PHF21A: variants seen among roughly 807,000 people sequenced by gnomAD.
PHF21A encodes the protein PHD finger protein 21A, also known as BHC80a.
In PHF21A, 11 loss-of-function variants were observed where a neutral mutation model predicts 82.5. That is an observed-to-expected ratio of 0.13 (90% confidence interval 0.08 to 0.22). The LOEUF (loss-of-function observed/expected upper bound fraction) is 0.22, where lower values mean the gene tolerates loss of function less well. PHF21A is among the 10% of genes least tolerant of loss of function. The pLI is 1.00. For missense variants in PHF21A, 579 were observed against 837.8 expected (o/e 0.69, Z 3.81); for synonymous variants, 297 against 302.8 (o/e 0.98, Z 0.20).
At chr11:46,055,328 T>C (rs1313240578) in intron 6 of PHF21A, among the ~76,000 whole-genome samples, 1 of 152,190 alleles carries the variant, frequency 6.6e-6, no homozygotes. Context: ...TTAATAATAG[T>C]TAATTAAATT....
intron 15 of PHF21A, 61 bp downstream of exon 15, chr11:45,945,779 G>C: frequency 7.2e-7 from 1 of 1,392,168 alleles, no homozygotes; most frequent in Non-Finnish European, 9.8e-7. Flanking sequence ...GACAACATAT[G>C]ATAACGCTTT....
intron 1 of PHF21A, among the ~76,000 whole-genome samples, chr11:46,109,543 T>C (rs2097187950): frequency 7.5e-6 from 1 of 133,042 alleles, no homozygotes. Context: ...AATAAAATTT[T>C]TAAAACACAA....
At chr11:46,110,788 AT>A (rs201509628) in intron 1 of PHF21A, among the ~76,000 whole-genome samples, 30,661 of 144,964 alleles carry the variant, frequency 0.21, 3,251 homozygotes, top group Non-Finnish European at 0.27. Flanking sequence ...CATATTAACA[AT>A]TTTTTTTTTT....
At chr11:45,935,800 C>T in intron 17 of PHF21A, 61 bp from the exon 18 acceptor site, 1 of 806,032 alleles carries the variant, frequency 1.2e-6, no homozygotes, top group Non-Finnish European at 2.0e-6. Context: ...TTGAAATGTC[C>T]TCTGTGCTCA....
intron 6 of PHF21A, among the ~76,000 whole-genome samples, chr11:46,029,781 TAAC>T (rs1050635263): frequency 1.3e-5 from 2 of 151,942 alleles, no homozygotes; most frequent in African/African-American, 4.8e-5. Flanking sequence ...AGCTTAAAAA[TAAC>T]AAATGTCCGT....
chr11:46,029,333 A>G (rs939898066), intron 6 of PHF21A, among the ~76,000 whole-genome samples: 4 of 152,264 alleles, frequency 2.6e-5, no homozygotes, highest in African/African-American at 9.6e-5. Flanking sequence ...GCCCAGCTAA[A>G]TAACTGTTCT....
In PHF21A at chr11:46,079,164, T is replaced by C. The variant is rs1402312587; in HGVS notation, c.57A>G (p.Lys19=). ...GATCCTGCTTCATTTGAGCAACCAG[T>C]TTCTGGTAATAAAGAGAGAAAAAGA... ...ALKVEIQVHQ[K]LVAQMKQDPQ... is the part of the protein sequence containing the mutation. Residue 19 remains lysine, a splice_region_variant and synonymous_variant, in exon 5 of 19, where the codon AAA becomes AAG. Transcript: ENST00000676320. 6.3e-7 allele frequency: 1 copy of C among 1,596,438 alleles called. No homozygotes were observed. Among genetic ancestry groups the C allele is most frequent in the Non-Finnish European group, 8.6e-7 (1 of 1,167,856 alleles).
chr11:46,112,791 T>C (rs778806097), intron 1 of PHF21A, among the ~76,000 whole-genome samples: 3 of 152,190 alleles, frequency 2.0e-5, no homozygotes, highest in Non-Finnish European at 4.4e-5. Flanking sequence ...TCAGGCTTGA[T>C]AATAAGAGGC....
chr11:45,987,352 C>G (rs541043906), intron 6 of PHF21A, among the ~76,000 whole-genome samples: 12 of 151,978 alleles, frequency 7.9e-5, no homozygotes, highest in African/African-American at 2.9e-4. Flanking sequence ...CACAATTTAG[C>G]TGTTTGTTAC....
chr11:46,085,513 T>C (rs1342789554), intron 3 of PHF21A, among the ~76,000 whole-genome samples: 2 of 152,264 alleles, frequency 1.3e-5, no homozygotes, highest in African/African-American at 4.8e-5. Context: ...AGGTACTCTG[T>C]CAAAGCAAAA....
At chr11:46,077,356 T>C (rs2096738543) in intron 5 of PHF21A, among the ~76,000 whole-genome samples, 1 of 152,216 alleles carries the variant, frequency 6.6e-6, no homozygotes, top group Admixed American at 6.5e-5. Flanking sequence ...ATTAACACAC[T>C]GACTACCAGG....
At chr11:45,997,227 C>A (rs997994561) in intron 6 of PHF21A, among the ~76,000 whole-genome samples, 12 of 152,042 alleles carry the variant, frequency 7.9e-5, no homozygotes, top group Non-Finnish European at 1.6e-4. Flanking sequence ...GATTTTTTTC[C>A]ATGAATGTTT....
At chr11:46,079,247 AG>A in intron 4 of PHF21A, 81 bp from the exon 5 acceptor site, 2 of 961,916 alleles carry the variant, frequency 2.1e-6, no homozygotes, top group Non-Finnish European at 3.2e-6. Flanking sequence ...CAAAAAATCT[AG>A]GATTTTAAGT....
chr11:45,936,888 C>A, intron 16 of PHF21A: 1 of 240,408 alleles, frequency 4.2e-6, no homozygotes. Context: ...ACCACCAACA[C>A]AAAAGCTGCA....
intron 4 of PHF21A, among the ~76,000 whole-genome samples, chr11:46,080,278 C>A (rs1481039302): frequency 1.3e-5 from 2 of 152,012 alleles, no homozygotes; most frequent in Non-Finnish European, 2.9e-5. Context: ...TCCACCTCAG[C>A]CTCCCGAGTG....
At chr11:45,970,939 G>T in intron 8 of PHF21A, 177 bp downstream of exon 8, 1 of 721,028 alleles carries the variant, frequency 1.4e-6, no homozygotes, top group Non-Finnish European at 2.2e-6. Flanking sequence ...CTTCTGTAGT[G>T]ATTTGAGCAG....
intron 6 of PHF21A, among the ~76,000 whole-genome samples, chr11:46,017,188 C>G (rs1002811476): frequency 2.6e-5 from 4 of 152,176 alleles, no homozygotes; most frequent in African/African-American, 9.7e-5. Context: ...TCAGTCTGGT[C>G]TCAAACTCCC....
chr11:46,086,742 G>A (rs563764945), intron 3 of PHF21A, among the ~76,000 whole-genome samples: 32 of 152,062 alleles, frequency 2.1e-4, no homozygotes, highest in African/African-American at 5.3e-4. Flanking sequence ...TCAAATATTC[G>A]TACTTCATTC....
At chr11:46,047,162 C>T (rs1414285309) in intron 6 of PHF21A, among the ~76,000 whole-genome samples, 5 of 152,150 alleles carry the variant, frequency 3.3e-5, no homozygotes, top group Admixed American at 2.6e-4. Flanking sequence ...GAGATAAAGG[C>T]TTCAGGCAGG....
Sources: gnomAD v4.1 joint callset for allele counts (sites outside exome capture counted in the v4.1 genomes callset) on GRCh38, gnomAD v4.1.1 for gene constraint, MANE v1.5 for transcripts, NCBI Gene and HGNC (gene_info 2026-07-23, HGNC 2026-07-21) for gene names.